Variants in SHROOM3 observed in about 807,000 individuals in gnomAD.
SHROOM3 encodes the protein protein Shroom3.
SHROOM3 carries 47 observed loss-of-function variants against 138.6 expected under a neutral mutation model. The observed-to-expected ratio is 0.34, with a 90% CI of 0.27 to 0.43. The LOEUF (loss-of-function observed/expected upper bound fraction) is 0.43, where lower values mean the gene tolerates loss of function less well. Ranked by LOEUF, SHROOM3 falls within the 20% of genes least tolerant of loss-of-function variation. SHROOM3 has a pLI of 1.00. For synonymous variants in SHROOM3, 1,062 were observed against 1,063.3 expected (o/e 1.00, Z 0.02); for missense variants, 2,491 against 2,596.5 (o/e 0.96, Z 0.88).
intron 2 of SHROOM3, chr4:76,559,298 G>C (rs1733551518): frequency 6.6e-6 from 1 of 152,156 alleles, no homozygotes; most frequent in Non-Finnish European, 1.5e-5. Context: ...CAGAGATCCG[G>C]GTAGAAGCCT....
chr4:76,452,120 A>G (rs1037590622), intron 1 of SHROOM3, among the ~76,000 whole-genome samples: 2 of 152,254 alleles, frequency 1.3e-5, no homozygotes, highest in Non-Finnish European at 2.9e-5. Flanking sequence ...CAGATGAATA[A>G]AAGATTCAGA....
At position 76,756,930 on chromosome 4, in the gene SHROOM3, G is replaced by A; in HGVS notation, c.5191G>A (p.Gly1731Ser). 2.5e-6 allele frequency: 4 copies of A among 1,613,964 alleles called. No homozygotes were observed. The African/African-American group carries it at 5.3e-5, about 22-fold the overall frequency. Residue 1731 changes from glycine (G) to serine (S), a missense_variant, in exon 8 of 11, where the codon GGC (glycine) becomes AGC (serine). Coordinates refer to ENST00000296043, the MANE Select transcript of SHROOM3 (RefSeq NM_020859.4). ...QRTVSSSGCE[G>S]KRNEDKEAVS... ...AACTGTCAGCTCTTCAGGATGTGAA[G>A]GCAAGAGGTAAGTCCCTGGTGATGT...
intron 2 of SHROOM3, among the ~76,000 whole-genome samples, chr4:76,557,627 A>T (rs1177554209): frequency 6.6e-6 from 1 of 152,228 alleles, no homozygotes. Context: ...CACTATACAC[A>T]CACACAGGTA....
intron 1 of SHROOM3, among the ~76,000 whole-genome samples, chr4:76,553,892 C>T (rs1220205832): frequency 6.6e-6 from 1 of 152,226 alleles, no homozygotes; most frequent in Non-Finnish European, 1.5e-5. Context: ...CACACATACA[C>T]ATAGCCTCCC....
chr4:76,767,297 A>G (rs916975078), intron 9 of SHROOM3, among the ~76,000 whole-genome samples: 3 of 152,196 alleles, frequency 2.0e-5, no homozygotes, highest in Non-Finnish European at 4.4e-5. Flanking sequence ...CTCTCCTCTC[A>G]TCACTCACCA....
At chr4:76,458,473 T>C (rs1353489324) in intron 1 of SHROOM3, among the ~76,000 whole-genome samples, 1 of 152,246 alleles carries the variant, frequency 6.6e-6, no homozygotes, top group Non-Finnish European at 1.5e-5. Context: ...GTTGAGTACA[T>C]TGTTGTGCAA....
intron 2 of SHROOM3, among the ~76,000 whole-genome samples, chr4:76,611,749 C>T (rs1185395563): frequency 6.6e-6 from 1 of 152,142 alleles, no homozygotes; most frequent in African/African-American, 2.4e-5. Flanking sequence ...CAAGGAAACA[C>T]ACGGAACATG....
At chr4:76,689,108 C>CG (rs1719421104) in intron 2 of SHROOM3, among the ~76,000 whole-genome samples, 1 of 152,018 alleles carries the variant, frequency 6.6e-6, no homozygotes, top group African/African-American at 2.4e-5. Flanking sequence ...CATTTTACAA[C>CG]GGGGGGAGGT....
intron 1 of SHROOM3, among the ~76,000 whole-genome samples, chr4:76,480,434 C>T (rs1437454673): frequency 6.6e-6 from 1 of 152,162 alleles, no homozygotes; most frequent in Non-Finnish European, 1.5e-5. Flanking sequence ...ACAAGAAGAG[C>T]TAACTATCCT....
intron 2 of SHROOM3, among the ~76,000 whole-genome samples, chr4:76,653,705 A>G (rs1478870142): frequency 6.6e-6 from 1 of 152,048 alleles, no homozygotes; most frequent in Non-Finnish European, 1.5e-5. Flanking sequence ...AGCTGGGACT[A>G]CAGGGCCATG....
chr4:76,554,419 G>GTTT (rs33953968), intron 1 of SHROOM3, among the ~76,000 whole-genome samples: 2 of 121,752 alleles, frequency 1.6e-5, no homozygotes, highest in African/African-American at 3.2e-5. Context: ...TTTTGTTTGT[G>GTTT]TTTTTTTTTT....
At chr4:76,562,452 C>T (rs778801934) in intron 2 of SHROOM3, among the ~76,000 whole-genome samples, 5 of 152,200 alleles carry the variant, frequency 3.3e-5, no homozygotes, top group Non-Finnish European at 7.3e-5. Flanking sequence ...AATTGCAAGA[C>T]TGTAACTCAC....
At chr4:76,520,962 G>A (rs1316224810) in intron 1 of SHROOM3, among the ~76,000 whole-genome samples, 1 of 152,220 alleles carries the variant, frequency 6.6e-6, no homozygotes, top group Non-Finnish European at 1.5e-5. Flanking sequence ...CACTGTGTAT[G>A]AGAATCATAG....
In SHROOM3 at chr4:76,505,175, A is replaced by G. The variant is rs569182474; in HGVS notation, c.169-50434A>G. ...GATAACTCAATAGGTAGAAGATCTC[A>G]AGTCACACAGCCAGGCATAATGTTG... On this transcript the variant is annotated intron_variant, in intron 1 of 10. Transcript: ENST00000296043. Among the ~76,000 whole-genome samples, 24 of 152,310 alleles carry G rather than the reference A, an allele frequency of 1.6e-4. No individual in the cohort carries two copies. In the South Asian group the frequency reaches 5.0e-3, roughly 32 times the overall value.
At chr4:76,646,225 A>AATAAATAAATAAATATATATATAT (rs61374645) in intron 2 of SHROOM3, among the ~76,000 whole-genome samples, 6 of 96,230 alleles carry the variant, frequency 6.2e-5, no homozygotes, top group African/African-American at 2.2e-4. Context: ...ATAATAAATA[A>AATAAATAAATAAATATATATATAT]ATATATATAT....
chr4:76,577,455 C>T (rs1312298307), intron 2 of SHROOM3, among the ~76,000 whole-genome samples: 1 of 152,278 alleles, frequency 6.6e-6, no homozygotes, highest in East Asian at 1.9e-4. Context: ...TGGTTCCAGC[C>T]TCCCTAGAGG....
intron 4 of SHROOM3, among the ~76,000 whole-genome samples, chr4:76,734,665 C>T (rs977796029): frequency 2.0e-5 from 3 of 151,898 alleles, no homozygotes; most frequent in Non-Finnish European, 4.4e-5. Context: ...CGTGAGCCAC[C>T]GTACCTGGTA....
chr4:76,699,771 G>A (rs1357512156), intron 2 of SHROOM3, among the ~76,000 whole-genome samples: 1 of 152,158 alleles, frequency 6.6e-6, no homozygotes, highest in Admixed American at 6.5e-5. Flanking sequence ...ACTACACCAT[G>A]CAGCATAGTC....
At chr4:76,729,735 T>C (rs781145235) in intron 3 of SHROOM3, among the ~76,000 whole-genome samples, 19 of 152,224 alleles carry the variant, frequency 1.2e-4, no homozygotes, top group Non-Finnish European at 2.8e-4. Context: ...TCCTGACACC[T>C]GGTCTAGTAT....
Sources: allele counts gnomAD v4.1 joint callset (sites outside exome capture counted in the v4.1 genomes callset), GRCh38; gene constraint gnomAD v4.1.1; transcripts MANE v1.5; gene names NCBI Gene and HGNC (gene_info 2026-07-23, HGNC 2026-07-21).